Variants in DCTN2 observed in about 807,000 individuals in gnomAD.
DCTN2 encodes the protein 50 kDa dynein-associated polypeptide.
In DCTN2, 18 loss-of-function variants were observed where a neutral mutation model predicts 55.4. The observed-to-expected ratio is 0.32, with a 90% confidence interval of 0.22 to 0.48. The LOEUF (loss-of-function observed/expected upper bound fraction) is 0.48. Ranked by LOEUF, DCTN2 falls within the 20% of genes least tolerant of loss-of-function variation. The probability of loss-of-function intolerance (pLI) is 0.99; values close to 1 mark genes in which losing one functional copy is unlikely to be tolerated. For synonymous variants in DCTN2, 168 were observed against 185.2 expected (o/e 0.91, Z 0.76); for missense variants, 390 against 491.0 (o/e 0.79, Z 1.94).
chr12:57,531,532 T>G, intron 13 of DCTN2, among the ~76,000 whole-genome samples: 1 of 151,800 alleles, frequency 6.6e-6, no homozygotes, highest in Non-Finnish European at 1.5e-5. Flanking sequence ...TAAAAAACAA[T>G]AAGAAATTGT....
chr12:57,532,119 AG>A lies in DCTN2; in HGVS notation c.1028-14del, dbSNP rs775440614. On this transcript the variant is annotated splice_polypyrimidine_tract_variant and intron_variant, in intron 12 of 13. Transcript: ENST00000548249. Reference sequence around the variant, plus strand: ...CCAAACTGCATGGCTACAAAAGAAAAGTATGGTTGAGACTTGAATCCAAGAT... The same window carrying A: ...CCAAACTGCATGGCTACAAAAGAAAATATGGTTGAGACTTGAATCCAAGAT... 9 of 1,554,708 alleles carry A rather than the reference AG, an allele frequency of 5.8e-6. No homozygotes were observed. The East Asian group carries it at 1.9e-4, about 33-fold the overall frequency.
intron 2 of DCTN2, chr12:57,538,341 T>G: frequency 1.5e-6 from 1 of 655,742 alleles, no homozygotes; most frequent in Non-Finnish European, 2.8e-6. Context: ...AGCAGTGTCT[T>G]GAAGATCTGG....
chr12:57,538,488 T>C (rs547794043), intron 2 of DCTN2: 34 of 760,830 alleles, frequency 4.5e-5, no homozygotes, highest in South Asian at 4.4e-4. Flanking sequence ...CACACCCCGT[T>C]AAAAAGCAGA....
intron 2 of DCTN2, 175 bp from the exon 3 acceptor site, chr12:57,536,020 T>G: frequency 1.7e-6 from 1 of 598,400 alleles, no homozygotes; most frequent in Non-Finnish European, 3.0e-6. Flanking sequence ...TGAAGCTTCC[T>G]GGTAAATTTG....
chr12:57,543,931 T>G, intron 2 of DCTN2: 1 of 740,290 alleles, frequency 1.4e-6, no homozygotes, highest in Non-Finnish European at 2.1e-6. Flanking sequence ...CAATCAGAGC[T>G]GCACAGTCAG....
rs757335083 is a variant in DCTN2, at chr12:57,532,656, A to AT, written c.853-14dup. On this transcript the variant is annotated splice_polypyrimidine_tract_variant and intron_variant, in intron 10 of 13. Coordinates refer to ENST00000548249, the MANE Select transcript of DCTN2 (RefSeq NM_001261413.2). The stretch of plus-strand genomic sequence containing the variant: ...TTCCCAGGACACTCTGAAAACACAG[A>AT]TTTTAAGGTTGATAGGGCATCCAGG... 7.4e-6 allele frequency: 12 copies of AT among 1,613,828 alleles called. No homozygotes were observed. The highest frequency in any genetic ancestry group is 1.1e-5 in the South Asian group (1 of 91,090).
chr12:57,542,931 T>C (rs566781411), intron 2 of DCTN2: 8 of 456,028 alleles, frequency 1.8e-5, no homozygotes, highest in African/African-American at 1.2e-4. Flanking sequence ...GGGAGGCAGA[T>C]TTTTCACTAC....
intron 5 of DCTN2, 146 bp from the exon 6 acceptor site, chr12:57,534,598 G>A: frequency 1.5e-6 from 1 of 672,084 alleles, no homozygotes; most frequent in Non-Finnish European, 2.4e-6. Context: ...ATGTAGCACT[G>A]CATACAGATG....
rs553194738 is a variant in DCTN2, at chr12:57,531,360, TA to T, written c.1120-586del. ...CAACATGGTGAAACCCCGTCTCTACTAAAAAAAAAAATTAGGTGTGGTGGTG... is the reference window on the plus strand; with the variant it reads ...CAACATGGTGAAACCCCGTCTCTACTAAAAAAAAAATTAGGTGTGGTGGTG... On this transcript the variant is annotated intron_variant, in intron 13 of 13. Transcript: ENST00000548249. Among the ~76,000 whole-genome samples, 1,209 of 146,740 alleles carry T rather than the reference TA, an allele frequency of 8.2e-3. 15 individuals are homozygous for T. The highest frequency in any genetic ancestry group is 0.028 in the African/African-American group (1,139 of 40,220).
In DCTN2 at chr12:57,538,101, C is replaced by G. The variant is rs558532665; in HGVS notation, c.106-2256G>C. Among the ~76,000 whole-genome samples the G allele has an allele frequency of 7.2e-5, 11 of 152,318 alleles. No homozygotes were observed. In the South Asian group the frequency reaches 2.3e-3, roughly 32 times the overall value. The stretch of plus-strand genomic sequence containing the variant: ...TGGGCGGGCACTATGCAGATGGAAC[C>G]TACTTTCTTATTTACGTTCCTAAGT... On this transcript the variant is annotated intron_variant, in intron 2 of 13. Transcript: ENST00000548249.
chr12:57,536,083 G>A (rs1289262502), intron 2 of DCTN2: 2 of 546,752 alleles, frequency 3.7e-6, no homozygotes, highest in Admixed American at 3.1e-5. Flanking sequence ...AGCAGAGGGA[G>A]CATAACCTCC....
At chr12:57,535,031 A>C in intron 5 of DCTN2, 25 bp downstream of exon 5, 1 of 1,569,288 alleles carries the variant, frequency 6.4e-7, no homozygotes. Flanking sequence ...CACAGCAGAG[A>C]AGGGAGAAGA....
At position 57,532,376 on chromosome 12, in the gene DCTN2, ACTG is replaced by A. The variant is rs1594879619; in HGVS notation, c.925-64_925-62del. 6.2e-6 allele frequency: 9 copies of A among 1,442,050 alleles called. No individual in the cohort carries two copies. In the South Asian group the frequency reaches 9.7e-5, roughly 16 times the overall value. 89.3% of individuals were successfully genotyped at this position (1,442,050 alleles called of 1,614,324 possible). A position where few individuals can be genotyped will look rare whatever the true frequency, so the allele number is the denominator to read the frequency against. On this transcript the variant is annotated intron_variant, in intron 11 of 13. Transcript: ENST00000548249. ...GAGGCAGCCAGGTCAGTATGTACAG[ACTG>A]CTATTTCACCGTAATGGGGGAAAGG...
chr12:57,546,796 G>T (rs977267590), intron 1 of DCTN2, among the ~76,000 whole-genome samples: 1 of 152,218 alleles, frequency 6.6e-6, no homozygotes, highest in Admixed American at 6.5e-5. Flanking sequence ...TCGATTTCTG[G>T]GCCGAGCTAC....
At chr12:57,543,729 C>T in intron 2 of DCTN2, 1 of 1,241,830 alleles carries the variant, frequency 8.1e-7, no homozygotes, top group Non-Finnish European at 1.0e-6. Flanking sequence ...GACAGAGAGT[C>T]ACTTAGCTGA....
At chr12:57,542,801 A>G (rs1880804838) in intron 2 of DCTN2, 30 of 455,942 alleles carry the variant, frequency 6.6e-5, no homozygotes, top group South Asian at 4.5e-4. Context: ...CCTGGGGGAA[A>G]GAGTGAGACT....
Position 57,534,457 on chromosome 12 carries a change from T to C in DCTN2, c.364-5A>G, listed in dbSNP as rs1304809778. The C allele has an allele frequency of 1.3e-6, 2 of 1,573,470 alleles. No individual in the cohort carries two copies. Among genetic ancestry groups the C allele is most frequent in the Non-Finnish European group, 1.7e-6 (2 of 1,157,060 alleles). ...GGCTGACTCCTTCACTGTCGTCTAG[T>C]ATGAAAAAAGGTAGAAATCGGGGGA... is the stretch of plus-strand genomic sequence containing the variant. On this transcript the variant is annotated splice_polypyrimidine_tract_variant and splice_region_variant and intron_variant, in intron 5 of 13. Coordinates refer to ENST00000548249, the MANE Select transcript of DCTN2 (RefSeq NM_001261413.2).
chr12:57,546,034 G>A lies in DCTN2; in HGVS notation c.99C>T (p.Phe33=), dbSNP rs767509085. The change falls in exon 2 of 14, where the codon TTC becomes TTT. Residue 33 remains phenylalanine, a synonymous_variant. Coordinates refer to ENST00000548249, the MANE Select transcript of DCTN2 (RefSeq NM_001261413.2). ...TGGCAGCACACATTCTTACCGCATC[G>A]AACTCCGCTTGATCATCCTCAGGTA... ...SDLPEDDQAE[F]DAEELTSTSV... The A allele has an allele frequency of 3.1e-6, 5 of 1,613,548 alleles. No homozygotes were observed. The African/African-American group carries it at 4.0e-5, about 13-fold the overall frequency.
chr12:57,534,863 T>G, intron 5 of DCTN2, 193 bp downstream of exon 5: 1 of 500,294 alleles, frequency 2.0e-6, no homozygotes, highest in South Asian at 2.4e-5. Context: ...ACAGATGGGG[T>G]TTCATCATGT....
Sources: allele counts gnomAD v4.1 joint callset (sites outside exome capture counted in the v4.1 genomes callset), GRCh38; gene constraint gnomAD v4.1.1; transcripts MANE v1.5; gene names NCBI Gene and HGNC (gene_info 2026-07-23, HGNC 2026-07-21).